The following MTA3 variants were observed in gnomAD, a reference collection of about 807,000 sequenced individuals.
MTA3 encodes the protein metastasis associated 1 family member 3.
A neutral mutation model predicts 83.5 loss-of-function variants in MTA3; 34 were observed. The ratio of observed to expected loss-of-function variants is 0.41; its 90% CI spans 0.31 to 0.54. MTA3 has a LOEUF of 0.54. Among genes scored for constraint, MTA3 ranks in the 20% least tolerant of loss-of-function variants. The probability of loss-of-function intolerance (pLI) is 0.33; values close to 1 mark genes in which losing one functional copy is unlikely to be tolerated. For synonymous variants in MTA3, 303 were observed against 252.7 expected (o/e 1.20, Z -1.89); for missense variants, 761 against 726.4 (o/e 1.05, Z -0.55).
At chr2:42,661,788 A>G (rs1689742497) in intron 8 of MTA3, among the ~76,000 whole-genome samples, 1 of 152,184 alleles carries the variant, frequency 6.6e-6, no homozygotes, top group African/African-American at 2.4e-5. Flanking sequence ...TATAGAGGAT[A>G]ATGTAATAAA....
chr2:42,499,973 AGAG>A (rs1249856322), intron 2 of MTA3, among the ~76,000 whole-genome samples: 1 of 145,248 alleles, frequency 6.9e-6, no homozygotes, highest in Non-Finnish European at 1.6e-5. Flanking sequence ...AAAAAAAAAA[AGAG>A]AGAGAGAGAT....
intron 8 of MTA3, among the ~76,000 whole-genome samples, chr2:42,667,522 A>G (rs1448269121): frequency 1.3e-5 from 2 of 150,666 alleles, no homozygotes; most frequent in East Asian, 3.9e-4. Flanking sequence ...CATGTTTTCA[A>G]GGTTCATTAA....
At chr2:42,657,073 A>G (rs949551320) in intron 7 of MTA3, among the ~76,000 whole-genome samples, 4 of 152,206 alleles carry the variant, frequency 2.6e-5, no homozygotes, top group Admixed American at 1.3e-4. Flanking sequence ...TATATAGTAT[A>G]TATGATCTAG....
Position 42,755,096 on chromosome 2 carries a change from C to T in MTA3, c.*1697C>T, listed in dbSNP as rs1670152989. ...GCAGGGGTTCTCCTCAGGGTTCCCACTGAGGGGTCCCTTCAGCAAAGACCT... is the reference window on the plus strand; with the variant it reads ...GCAGGGGTTCTCCTCAGGGTTCCCATTGAGGGGTCCCTTCAGCAAAGACCT... On this transcript the variant is annotated 3_prime_UTR_variant, in exon 17 of 17. Transcript: ENST00000405094. The T allele has an allele frequency of 1.0e-6, 1 of 985,490 alleles. No individual in the cohort carries two copies. Among genetic ancestry groups the T allele is most frequent in the Admixed American group, 6.1e-5 (1 of 16,284 alleles). The allele number at this position is 985,490 out of a possible 1,614,324, so 61.0% of individuals were successfully genotyped here.
chr2:42,592,974 A>C (rs1397630920), intron 3 of MTA3, among the ~76,000 whole-genome samples: 1 of 147,314 alleles, frequency 6.8e-6, no homozygotes, highest in East Asian at 2.1e-4. Flanking sequence ...AATATGGTGA[A>C]ACACTGTCTC....
intron 3 of MTA3, among the ~76,000 whole-genome samples, chr2:42,600,216 C>CA (rs1341923441): frequency 1.3e-5 from 2 of 151,748 alleles, no homozygotes; most frequent in Admixed American, 6.6e-5. Flanking sequence ...CAAAACAAAA[C>CA]AAAAAAACTT....
At chr2:42,622,223 C>T (rs934805455) in intron 4 of MTA3, among the ~76,000 whole-genome samples, 1 of 152,086 alleles carries the variant, frequency 6.6e-6, no homozygotes. Flanking sequence ...GCCAACACAG[C>T]GAAACCCCGT....
At chr2:42,611,023 C>G (rs1684138859) in intron 4 of MTA3, among the ~76,000 whole-genome samples, 1 of 149,442 alleles carries the variant, frequency 6.7e-6, no homozygotes, top group Non-Finnish European at 1.5e-5. Context: ...GCTCTGTCAC[C>G]CAGGCTGGAG....
chr2:42,736,349 G>C (rs1438997762), intron 16 of MTA3, among the ~76,000 whole-genome samples: 1 of 152,170 alleles, frequency 6.6e-6, no homozygotes, highest in African/African-American at 2.4e-5. Context: ...AAGCACCCCT[G>C]TGGCGACTAC....
upstream of MTA3, among the ~76,000 whole-genome samples, chr2:42,564,867 C>T (rs965352335): frequency 6.6e-6 from 1 of 152,120 alleles, no homozygotes; most frequent in African/African-American, 2.4e-5. Context: ...ATCTCTGCCT[C>T]CTGGGTTCAA....
chr2:42,728,387 A>C (rs1258375421), intron 16 of MTA3, among the ~76,000 whole-genome samples: 3 of 152,228 alleles, frequency 2.0e-5, no homozygotes, highest in African/African-American at 7.2e-5. Flanking sequence ...TGTGAATAGT[A>C]CTGCAGTAAA....
chr2:42,605,150 G>A (rs1289875187), intron 3 of MTA3, among the ~76,000 whole-genome samples: 1 of 149,122 alleles, frequency 6.7e-6, no homozygotes, highest in Non-Finnish European at 1.5e-5. Flanking sequence ...TCACTTCCCA[G>A]TAGGGGCGGC....
chr2:42,674,596 CTTTTTTTTT>C (rs34154066), intron 8 of MTA3, among the ~76,000 whole-genome samples: 1 of 114,332 alleles, frequency 8.7e-6, no homozygotes, highest in African/African-American at 3.4e-5. Context: ...TTTTCTTCTT[CTTTTTTTTT>C]TTTTTTTTTT....
chr2:42,754,656 A>G lies in MTA3; in HGVS notation c.*1257A>G, dbSNP rs1235563845. ...AGGCACAGGGTCACAGTCCCAAGAAAGACAACTGGAGTCTGATCTCCCAGC... is the reference window on the plus strand; with the variant it reads ...AGGCACAGGGTCACAGTCCCAAGAAGGACAACTGGAGTCTGATCTCCCAGC... On this transcript the variant is annotated 3_prime_UTR_variant, in exon 17 of 17. Coordinates refer to ENST00000405094, the MANE Select transcript of MTA3 (RefSeq NM_001330442.2). 8.1e-6 allele frequency: 8 copies of G among 985,384 alleles called. No individual in the cohort carries two copies. In the East Asian group the frequency reaches 9.1e-4, roughly 112 times the overall value. 61.0% of individuals were successfully genotyped at this position (985,384 alleles called of 1,614,324 possible).
At chr2:42,505,885 C>T (rs1254964978) in intron 2 of MTA3, among the ~76,000 whole-genome samples, 1 of 151,270 alleles carries the variant, frequency 6.6e-6, no homozygotes, top group Admixed American at 6.6e-5. Flanking sequence ...TCTCCTGTCT[C>T]AGCCTCCCGA....
chr2:42,581,213 G>A (rs567681548), intron 3 of MTA3, among the ~76,000 whole-genome samples: 1 of 152,144 alleles, frequency 6.6e-6, no homozygotes, highest in African/African-American at 2.4e-5. Flanking sequence ...TATATATTCA[G>A]CATATCAAGG....
intron 2 of MTA3, among the ~76,000 whole-genome samples, chr2:42,502,650 T>A (rs571096613): frequency 1.3e-5 from 2 of 151,802 alleles, no homozygotes; most frequent in East Asian, 3.9e-4. Context: ...AATACAAAAT[T>A]AGCCGGTGTA....
chr2:42,683,281 C>G (rs968141923), intron 9 of MTA3, among the ~76,000 whole-genome samples: 19 of 152,142 alleles, frequency 1.2e-4, no homozygotes, highest in African/African-American at 2.4e-4. Context: ...TTCTAGTTGT[C>G]TTACTAATTG....
chr2:42,700,300 T>G (rs1693750270), intron 11 of MTA3, among the ~76,000 whole-genome samples: 1 of 152,202 alleles, frequency 6.6e-6, no homozygotes, highest in Non-Finnish European at 1.5e-5. Flanking sequence ...TTTAAAACAT[T>G]AAAAATGTTT....
Sources: allele counts gnomAD v4.1 joint callset (sites outside exome capture counted in the v4.1 genomes callset), GRCh38; gene constraint gnomAD v4.1.1; transcripts MANE v1.5; gene names NCBI Gene and HGNC (gene_info 2026-07-23, HGNC 2026-07-21).